The following NAV3 variants were observed in gnomAD, a reference collection of about 807,000 sequenced individuals.
NAV3 encodes the protein pore membrane and/or filament interacting like protein 1.
NAV3 carries 87 observed loss-of-function variants against 244.7 expected under a neutral mutation model. The ratio of observed to expected loss-of-function variants is 0.36; its 90% CI spans 0.30 to 0.42. NAV3 has a LOEUF of 0.42. NAV3 is among the 20% of genes least tolerant of loss of function. The pLI is 1.00. For missense variants in NAV3, 2,663 were observed against 2,893.3 expected (o/e 0.92, Z 1.83); for synonymous variants, 1,126 against 1,042.2 (o/e 1.08, Z -1.55).
chr12:78,038,471 G>A (rs1880295939), intron 9 of NAV3, among the ~76,000 whole-genome samples: 1 of 152,082 alleles, frequency 6.6e-6, no homozygotes, highest in Non-Finnish European at 1.5e-5. Flanking sequence ...AGGTTTTCTG[G>A]ATTCTTTTAG....
intron 1 of NAV3, among the ~76,000 whole-genome samples, chr12:77,851,803 A>G (rs966712670): frequency 1.1e-4 from 16 of 152,194 alleles, no homozygotes; most frequent in Non-Finnish European, 2.9e-5. Flanking sequence ...CAGTGTCTAT[A>G]TTACTGTAAC....
chr12:78,066,105 A>C (rs1434099661), intron 12 of NAV3, among the ~76,000 whole-genome samples: 1 of 152,112 alleles, frequency 6.6e-6, no homozygotes, highest in Non-Finnish European at 1.5e-5. Flanking sequence ...ATCACTAGCA[A>C]GTGCCCCTTA....
intron 12 of NAV3, among the ~76,000 whole-genome samples, chr12:78,101,013 C>T (rs947833526): frequency 3.3e-5 from 5 of 152,164 alleles, no homozygotes; most frequent in African/African-American, 9.6e-5. Context: ...TTTCTTCTCA[C>T]TTCATTCCCT....
At chr12:77,923,724 A>G (rs1413743146) in intron 1 of NAV3, among the ~76,000 whole-genome samples, 1 of 152,190 alleles carries the variant, frequency 6.6e-6, no homozygotes, top group African/African-American at 2.4e-5. Context: ...AAACTTGACC[A>G]ACAAATGCTC....
rs932000600 is a variant in NAV3, at chr12:77,700,418, A to G, written c.72+128152A>G. Among the ~76,000 whole-genome samples, 6 of 152,172 alleles carry G rather than the reference A, an allele frequency of 3.9e-5. No homozygotes were observed. In the East Asian group the frequency reaches 1.2e-3, roughly 29 times the overall value. On this transcript the variant is annotated intron_variant, in intron 2 of 8. Coordinates refer to the NAV3 transcript ENST00000550042. ...AAATAAATTAAAATTAAAGTTGTGT[A>G]TGTGTTTCACCCTAAAATTTTCCAT...
intron 29 of NAV3, among the ~76,000 whole-genome samples, 156 bp from the exon 30 acceptor site, chr12:78,180,715 G>T (rs1958461275): frequency 6.6e-6 from 1 of 151,880 alleles, no homozygotes; most frequent in South Asian, 2.1e-4. Flanking sequence ...TTTCCTTCTT[G>T]GGAAGGAAAT....
chr12:78,173,270 T>C (rs1958079768), intron 24 of NAV3, among the ~76,000 whole-genome samples: 1 of 151,616 alleles, frequency 6.6e-6, no homozygotes. Context: ...TGCTAATCTT[T>C]ATTGGTGAAT....
chr12:77,909,345 G>A (rs1362775682), intron 1 of NAV3, among the ~76,000 whole-genome samples: 7 of 151,780 alleles, frequency 4.6e-5, no homozygotes, highest in African/African-American at 7.3e-5. Context: ...TTGTCCATCC[G>A]GGTAACAACT....
At chr12:78,092,919 A>T (rs1954039312) in intron 12 of NAV3, among the ~76,000 whole-genome samples, 1 of 2,408 alleles carries the variant, frequency 4.2e-4, no homozygotes, top group African/African-American at 4.6e-4. Flanking sequence ...GCACAGAACA[A>T]TGTATGTAAC....
intron 34 of NAV3, among the ~76,000 whole-genome samples, chr12:78,195,109 G>A (rs1472168820): frequency 6.6e-6 from 1 of 151,674 alleles, no homozygotes; most frequent in African/African-American, 2.4e-5. Flanking sequence ...TGTTTCCTTG[G>A]ATAAATAAAT....
At chr12:77,685,488 C>CACACACACACACAA (rs1555194560) in intron 2 of NAV3, among the ~76,000 whole-genome samples, 25 of 150,564 alleles carry the variant, frequency 1.7e-4, no homozygotes, top group African/African-American at 5.2e-4. Flanking sequence ...CACACACACA[C>CACACACACACACAA]ACACACACAC....
intron 2 of NAV3, among the ~76,000 whole-genome samples, chr12:77,733,124 G>A (rs936253366): frequency 6.6e-6 from 1 of 151,948 alleles, no homozygotes; most frequent in African/African-American, 2.4e-5. Context: ...AATATCAGAG[G>A]AGGGGATATA....
chr12:77,912,090 G>A (rs1886655648), intron 1 of NAV3, among the ~76,000 whole-genome samples: 2 of 152,132 alleles, frequency 1.3e-5, no homozygotes, highest in South Asian at 4.1e-4. Flanking sequence ...TAAATTTCCT[G>A]GCATATAATA....
chr12:77,739,846 A>T (rs928728193), intron 2 of NAV3, among the ~76,000 whole-genome samples: 2 of 152,196 alleles, frequency 1.3e-5, no homozygotes, highest in East Asian at 3.8e-4. Context: ...ATAAATAGAG[A>T]GTGGCTATGA....
intron 2 of NAV3, among the ~76,000 whole-genome samples, chr12:77,676,206 C>T (rs924331291): frequency 2.6e-5 from 4 of 151,912 alleles, no homozygotes; most frequent in African/African-American, 7.3e-5. Context: ...TTTTAAGCTC[C>T]GCATGCTTTG....
At chr12:77,738,122 G>T (rs1877411103) in intron 2 of NAV3, among the ~76,000 whole-genome samples, 1 of 152,046 alleles carries the variant, frequency 6.6e-6, no homozygotes. Flanking sequence ...CTTACTATAT[G>T]CATCCTGTCC....
intron 12 of NAV3, among the ~76,000 whole-genome samples, chr12:78,092,988 G>A (rs528788216): frequency 6.6e-6 from 1 of 152,082 alleles, no homozygotes; most frequent in Non-Finnish European, 1.5e-5. Flanking sequence ...GGGGAAACAC[G>A]CCAAACCATG....
chr12:77,732,912 G>A (rs1393309597), intron 2 of NAV3, among the ~76,000 whole-genome samples: 5 of 152,056 alleles, frequency 3.3e-5, no homozygotes, highest in Non-Finnish European at 7.4e-5. Context: ...CACATTTAAA[G>A]AGTACATGTG....
intron 2 of NAV3, among the ~76,000 whole-genome samples, chr12:77,573,387 G>A (rs1868924309): frequency 6.6e-6 from 1 of 152,114 alleles, no homozygotes; most frequent in African/African-American, 2.4e-5. Flanking sequence ...TGCATAGATT[G>A]TTTATTCCCA....
Sources: gnomAD v4.1 joint callset for allele counts (sites outside exome capture counted in the v4.1 genomes callset) on GRCh38, gnomAD v4.1.1 for gene constraint, MANE v1.5 for transcripts, NCBI Gene and HGNC (gene_info 2026-07-23, HGNC 2026-07-21) for gene names.